Variants in GSDME observed in about 807,000 individuals in gnomAD.
GSDME encodes the protein gasdermin-E.
Under a neutral mutation model 47.5 loss-of-function variants are expected in GSDME, and 44 were observed. That is an observed-to-expected ratio of 0.93 (90% CI 0.73 to 1.19). GSDME has a LOEUF of 1.19. Ranked by LOEUF, GSDME falls within the 50% of genes most tolerant of loss-of-function variation. The probability of loss-of-function intolerance (pLI) is 0.00; values close to 1 mark genes in which losing one functional copy is unlikely to be tolerated. For missense variants in GSDME, 663 were observed against 604.2 expected (o/e 1.10, Z -1.02); for synonymous variants, 258 against 252.8 (o/e 1.02, Z -0.20).
In GSDME at chr7:24,739,749, A is replaced by G. The variant is rs1790426867; in HGVS notation, c.404+4813T>C. Among the ~76,000 whole-genome samples the G allele has an allele frequency of 6.6e-6, 1 of 152,218 alleles. No homozygotes were observed. Reference sequence around the variant, plus strand: ...AACCTAATCCTCAATAGATGAATAAAGAAAATGTGGTAAATATACACGATA... The same window carrying G: ...AACCTAATCCTCAATAGATGAATAAGGAAAATGTGGTAAATATACACGATA... On this transcript the variant is annotated intron_variant, in intron 3 of 9. Coordinates refer to ENST00000645220, the MANE Select transcript of GSDME (RefSeq NM_001127453.2). This position sits in a 1 kb window ranked among gnomAD's most constrained non-coding sequence, Gnocchi z 5.1.
chr7:24,711,775 A>G (rs1341242667), intron 5 of GSDME, among the ~76,000 whole-genome samples: 3 of 146,428 alleles, frequency 2.0e-5, no homozygotes, highest in African/African-American at 5.1e-5. Flanking sequence ...AGATCGCACC[A>G]CTGCACTCCA....
At chr7:24,706,648 G>A (rs1789119830) in intron 7 of GSDME, among the ~76,000 whole-genome samples, 1 of 152,246 alleles carries the variant, frequency 6.6e-6, no homozygotes, top group Non-Finnish European at 1.5e-5. Context: ...GTTGGGTAGT[G>A]CCAGGGACCA....
At chr7:24,753,809 GCTTT>G (rs1351499460) in intron 1 of GSDME, among the ~76,000 whole-genome samples, 2 of 151,904 alleles carry the variant, frequency 1.3e-5, no homozygotes, top group Non-Finnish European at 2.9e-5. Context: ...GCTTTTTTTG[GCTTT>G]ATTTCCAGGA....
chr7:24,742,946 C>A lies in GSDME; in HGVS notation c.404+1616G>T, dbSNP rs1340555239. Among the ~76,000 whole-genome samples, 2 of 152,208 alleles carry A rather than the reference C, an allele frequency of 1.3e-5. No homozygotes were observed. Among genetic ancestry groups the A allele is most frequent in the African/African-American group, 4.8e-5 (2 of 41,444 alleles). ...AAATAAAGATCATGACTGCCAGAGA[C>A]AGAGGCAGCTGTCCCTTCTACCTGG... is the stretch of plus-strand genomic sequence containing the variant. On this transcript the variant is annotated intron_variant, in intron 3 of 9. Coordinates refer to ENST00000645220, the MANE Select transcript of GSDME (RefSeq NM_001127453.2). The surrounding 1 kb of genome is among the most constrained non-coding windows in gnomAD (Gnocchi z 4.4).
intron 2 of GSDME, among the ~76,000 whole-genome samples, chr7:24,747,415 G>A (rs562976634): frequency 1.2e-4 from 18 of 152,272 alleles, no homozygotes; most frequent in South Asian, 4.2e-4. Context: ...TAACAGAGAC[G>A]CAATCACAAA....
Position 24,716,139 on chromosome 7 carries a change from C to T in GSDME, c.697+1115G>A, listed in dbSNP as rs182400765. Among the ~76,000 whole-genome samples the T allele has an allele frequency of 2.8e-4, 43 of 152,340 alleles. No homozygotes were observed. The highest frequency in any genetic ancestry group is 9.6e-4 in the African/African-American group (40 of 41,578). On this transcript the variant is annotated intron_variant, in intron 5 of 9. Coordinates refer to ENST00000645220, the MANE Select transcript of GSDME (RefSeq NM_001127453.2). The surrounding 1 kb of genome is among the most constrained non-coding windows in gnomAD (Gnocchi z 4.5). ...ATGGGGGAGAAGCAGGAGGCAGCAG[C>T]AGGCATGTGCGTGGTCTATCACGGC...
At chr7:24,780,141 T>C in the GSDME span, among the ~76,000 whole-genome samples, 7 of 152,238 alleles carry the variant, frequency 4.6e-5, no homozygotes, top group Non-Finnish European at 1.0e-4. The surrounding 1 kb of genome is among the most constrained non-coding windows in gnomAD (Gnocchi z 4.1). Context: ...TGGCAGGACG[T>C]CCGAGAAGTT....
At position 24,749,884 on chromosome 7, in the gene GSDME, AC is replaced by A. The variant is rs1466364720; in HGVS notation, c.-19-92del. The A allele has an allele frequency of 1.4e-5, 11 of 795,466 alleles. 1 individual carries two copies. In the African/African-American group the frequency reaches 1.5e-4, roughly 11 times the overall value. 49.3% of individuals were successfully genotyped at this position (795,466 alleles called of 1,614,324 possible). ...ATTACTGTATTTCTCCCTATTCACA[AC>A]AGTTCACATGAAAGAATATCTTCTT... On this transcript the variant is annotated intron_variant, in intron 1 of 9. Coordinates refer to ENST00000645220, the MANE Select transcript of GSDME (RefSeq NM_001127453.2).
rs1789900981 is a variant in GSDME at position 24,724,479 on chromosome 7, C to CG, written c.405-5262dup. On this transcript the variant is annotated intron_variant, in intron 3 of 9. Coordinates refer to ENST00000645220, the MANE Select transcript of GSDME (RefSeq NM_001127453.2). The surrounding 1 kb of genome is among the most constrained non-coding windows in gnomAD (Gnocchi z 4.8). ...AGGGCAGGCTCCTTGTTCTTCCTGG[C>CG]GGGGGCGGCAACGTGAAAGCAAGAA... Among the ~76,000 whole-genome samples, 1 of 152,084 alleles carries CG rather than the reference C, an allele frequency of 6.6e-6. No individual in the cohort carries two copies. The highest frequency in any genetic ancestry group is 2.1e-4 in the South Asian group (1 of 4,818).
At position 24,732,444 on chromosome 7, in the gene GSDME, T is replaced by TA. The variant is rs1315325697; in HGVS notation, c.404+12117dup. Among the ~76,000 whole-genome samples, 3 of 152,168 alleles carry TA rather than the reference T, an allele frequency of 2.0e-5. No homozygotes were observed. Among genetic ancestry groups the TA allele is most frequent in the African/African-American group, 7.2e-5 (3 of 41,446 alleles). On this transcript the variant is annotated intron_variant, in intron 3 of 9. Transcript: ENST00000645220. This position sits in a 1 kb window ranked among gnomAD's most constrained non-coding sequence, Gnocchi z 4.8. ...ACACCAAAGTCAACAACTATCTATA[T>TA]AAAAAAGCACCTTCATCAGAACCAA...
rs1789297185 is a variant in GSDME, at chr7:24,710,290, T to C, written c.796A>G (p.Ile266Val). 1.2e-6 allele frequency: 2 copies of C among 1,614,262 alleles called. No individual in the cohort carries two copies. The highest frequency in any genetic ancestry group is 2.7e-5 in the African/African-American group (2 of 75,072). The change falls in exon 6 of 10, where the codon ATA (isoleucine) becomes GTA (valine). Residue 266 changes from isoleucine to valine, a missense_variant. Transcript: ENST00000645220. ...DPLVFREFAFIDMPDAAHGIS... is the reference protein window; with the variant it reads ...DPLVFREFAFVDMPDAAHGIS... ...CCATGCGCAGCATCTGGCATGTCTATGAATGCAAACTCTCGAAAGACCAGG... is the reference window on the plus strand; with the variant it reads ...CCATGCGCAGCATCTGGCATGTCTACGAATGCAAACTCTCGAAAGACCAGG...
chr7:24,722,069 GCCT>G (rs1789810682), intron 3 of GSDME, among the ~76,000 whole-genome samples: 1 of 152,286 alleles, frequency 6.6e-6, no homozygotes, highest in Admixed American at 6.5e-5. Flanking sequence ...CTCATGGCCT[GCCT>G]CCTCCATCAA....
At position 24,712,284 on chromosome 7, in the gene GSDME, C is replaced by T. The variant is rs1188267980; in HGVS notation, c.698-1896G>A. Among the ~76,000 whole-genome samples, 1 of 152,196 alleles carries T rather than the reference C, an allele frequency of 6.6e-6. No homozygotes were observed. The highest frequency in any genetic ancestry group is 2.4e-5 in the African/African-American group (1 of 41,444). ...CAGCACCTAGGTCATAACTTTGTTC[C>T]CTGAGGACAGGAGCCTTGACCATTC... On this transcript the variant is annotated intron_variant, in intron 5 of 9. Transcript: ENST00000645220. This position sits in a 1 kb window ranked among gnomAD's most constrained non-coding sequence, Gnocchi z 4.4.
upstream of GSDME, among the ~76,000 whole-genome samples, chr7:24,761,515 C>T (rs1234615031): frequency 6.6e-6 from 1 of 152,244 alleles, no homozygotes; most frequent in Non-Finnish European, 1.5e-5. The surrounding 1 kb of genome is among the most constrained non-coding windows in gnomAD (Gnocchi z 4.4). Flanking sequence ...ATGAGGGTTC[C>T]ACCTCATGAC....
intron 1 of GSDME, among the ~76,000 whole-genome samples, chr7:24,750,450 T>A (rs1251021898): frequency 1.3e-5 from 2 of 151,808 alleles, no homozygotes; most frequent in Non-Finnish European, 2.9e-5. Context: ...AACTCCAAAT[T>A]AAAAATTAAA....
the GSDME span, among the ~76,000 whole-genome samples, chr7:24,776,135 G>A: frequency 1.8e-4 from 26 of 146,780 alleles, no homozygotes; most frequent in Admixed American, 9.3e-4. Context: ...ACCTGAGACC[G>A]GGCCATTGCA....
chr7:24,705,583 A>G lies in GSDME; in HGVS notation c.1183+601T>C. 1 of 158,212 alleles carries G rather than the reference A, an allele frequency of 6.3e-6. No homozygotes were observed. Among genetic ancestry groups the G allele is most frequent in the Non-Finnish European group, 1.4e-5 (1 of 71,622 alleles). 9.8% of individuals were successfully genotyped at this position (158,212 alleles called of 1,614,324 possible). On this transcript the variant is annotated intron_variant, in intron 8 of 9. Transcript: ENST00000645220. The surrounding 1 kb of genome is among the most constrained non-coding windows in gnomAD (Gnocchi z 4.1). ...TGTGGCATGGCGAGTTCCGGATGGG[A>G]GGGGTACAGAGGTGGCAGAGATTGT...
chr7:24,741,567 C>T (rs1790493158), intron 3 of GSDME, among the ~76,000 whole-genome samples: 3 of 152,100 alleles, frequency 2.0e-5, no homozygotes, highest in Non-Finnish European at 4.4e-5. Flanking sequence ...TATGTGCACA[C>T]ATTTCATAGA....
chr7:24,789,711 G>A, the GSDME span, among the ~76,000 whole-genome samples: 1 of 152,112 alleles, frequency 6.6e-6, no homozygotes, highest in East Asian at 1.9e-4. Flanking sequence ...GCAGAAATTG[G>A]GCATAAGACA....
Sources: gnomAD v4.1 joint callset for allele counts (sites outside exome capture counted in the v4.1 genomes callset) on GRCh38, gnomAD v4.1.1 for gene constraint, Gnocchi (gnomAD v3.1) non-coding constraint, MANE v1.5 for transcripts, NCBI Gene and HGNC (gene_info 2026-07-23, HGNC 2026-07-21) for gene names.